Variants in MTREX observed in about 807,000 individuals in gnomAD.
MTREX encodes the protein Mtr4 exosome RNA helicase, also known as exosome RNA helicase MTR4.
MTREX carries 76 observed loss-of-function variants against 135.4 expected under a neutral mutation model. The observed-to-expected ratio is 0.56, with a 90% CI of 0.47 to 0.68. The LOEUF is 0.68. Among genes scored for constraint, MTREX ranks in the 30% least tolerant of loss-of-function variants. MTREX has a pLI of 0.00. For synonymous variants in MTREX, 404 were observed against 401.6 expected, an observed-to-expected ratio of 1.01 and a Z score of -0.07; for missense variants, 920 against 1,262.1, an observed-to-expected ratio of 0.73 and a Z score of 4.11.
chr5:55,379,605 C>T (rs371344470), intron 18 of MTREX, among the ~76,000 whole-genome samples: 1 of 147,340 alleles, frequency 6.8e-6, no homozygotes, highest in South Asian at 2.1e-4. Context: ...CACACACACA[C>T]ACACACTCAG....
intron 1 of MTREX, among the ~76,000 whole-genome samples, chr5:55,316,736 C>A (rs535748583): frequency 6.6e-5 from 10 of 152,130 alleles, no homozygotes; most frequent in African/African-American, 2.4e-4. Flanking sequence ...GGCAAGGCTG[C>A]CCTCTCTCAC....
At chr5:55,421,784 C>T (rs1751059597) in intron 25 of MTREX, among the ~76,000 whole-genome samples, 1 of 152,136 alleles carries the variant, frequency 6.6e-6, no homozygotes, top group Non-Finnish European at 1.5e-5. Context: ...AGAATCTGGT[C>T]TCAGGTAAAA....
intron 18 of MTREX, among the ~76,000 whole-genome samples, chr5:55,380,075 G>C (rs761859279): frequency 2.6e-5 from 4 of 151,884 alleles, no homozygotes; most frequent in African/African-American, 9.7e-5. Flanking sequence ...AGCTGGGACT[G>C]TAGGTGCCTG....
intron 16 of MTREX, among the ~76,000 whole-genome samples, chr5:55,371,742 A>G (rs1196813991): frequency 6.6e-6 from 1 of 152,168 alleles, no homozygotes; most frequent in East Asian, 1.9e-4. Flanking sequence ...TGAAAGACAT[A>G]AAACCAGTTT....
chr5:55,346,407 CAG>C (rs1188704473), intron 10 of MTREX, among the ~76,000 whole-genome samples: 1 of 152,104 alleles, frequency 6.6e-6, no homozygotes, highest in Non-Finnish European at 1.5e-5. Context: ...GTAAATGAAA[CAG>C]ATTATGTATT....
chr5:55,371,469 G>C (rs1009878371), intron 16 of MTREX, among the ~76,000 whole-genome samples: 1 of 152,118 alleles, frequency 6.6e-6, no homozygotes, highest in African/African-American at 2.4e-5. Context: ...GTTGCAAGCT[G>C]TCTTAAGAGT....
intron 1 of MTREX, among the ~76,000 whole-genome samples, chr5:55,320,730 T>A (rs1254323359): frequency 6.6e-6 from 1 of 152,252 alleles, no homozygotes; most frequent in Non-Finnish European, 1.5e-5. Flanking sequence ...ATACAAAATA[T>A]ATTTTTATGT....
In MTREX at chr5:55,425,094, G is replaced by C; in HGVS notation, c.*322G>C. ...TGTGCATCCAAGAGGCATAGCAGCAGCAGAAGTCTTTAAAGGCTTGTACAC... is the reference window on the plus strand; with the variant it reads ...TGTGCATCCAAGAGGCATAGCAGCACCAGAAGTCTTTAAAGGCTTGTACAC... On this transcript the variant is annotated 3_prime_UTR_variant, in exon 27 of 27. Transcript: ENST00000230640. 7 of 1,361,596 alleles carry C rather than the reference G, an allele frequency of 5.1e-6. No individual in the cohort carries two copies. The highest frequency in any genetic ancestry group is 2.0e-4 in the Middle Eastern group (1 of 5,020). 84.3% of individuals were successfully genotyped at this position (1,361,596 alleles called of 1,614,324 possible). A position where few individuals can be genotyped will look rare whatever the true frequency, so the allele number is the denominator to read the frequency against.
chr5:55,319,404 G>C (rs1191961970), intron 1 of MTREX, among the ~76,000 whole-genome samples: 1 of 152,134 alleles, frequency 6.6e-6, no homozygotes, highest in Non-Finnish European at 1.5e-5. Flanking sequence ...TGTGTTGCTA[G>C]GTGTTGCCAA....
intron 23 of MTREX, among the ~76,000 whole-genome samples, chr5:55,413,694 T>C (rs1750921534): frequency 1.3e-5 from 2 of 152,222 alleles, no homozygotes; most frequent in South Asian, 2.1e-4. Flanking sequence ...TCTTATACTT[T>C]GTTAGAACAT....
chr5:55,367,452 C>T (rs1014515242), intron 16 of MTREX, among the ~76,000 whole-genome samples: 3 of 150,242 alleles, frequency 2.0e-5, no homozygotes, highest in Non-Finnish European at 3.0e-5. Flanking sequence ...CACCACTGCA[C>T]TCCAGCGTGG....
intron 20 of MTREX, among the ~76,000 whole-genome samples, chr5:55,399,337 C>G (rs1413810305): frequency 6.6e-6 from 1 of 152,098 alleles, no homozygotes; most frequent in East Asian, 1.9e-4. Context: ...CAAATCCTAC[C>G]TTATCTTTAA....
At chr5:55,342,621 T>C (rs1277550219) in intron 7 of MTREX, among the ~76,000 whole-genome samples, 1 of 152,224 alleles carries the variant, frequency 6.6e-6, no homozygotes, top group African/African-American at 2.4e-5. Flanking sequence ...AAAAGTTAAA[T>C]GTTTAATATG....
chr5:55,371,091 T>G (rs6889307), intron 16 of MTREX, among the ~76,000 whole-genome samples: 21,335 of 152,184 alleles, frequency 0.14, 1,885 homozygotes, highest in East Asian at 0.26. Flanking sequence ...TTATTTAGTT[T>G]CATTAATAAT....
At chr5:55,338,030 T>C (rs1749582273) in intron 5 of MTREX, among the ~76,000 whole-genome samples, 2 of 152,124 alleles carry the variant, frequency 1.3e-5, no homozygotes, top group Admixed American at 1.3e-4. Context: ...TGTCATATAT[T>C]TCAACTACAT....
chr5:55,381,930 GTTAAAATGTAT>G (rs768579555), intron 18 of MTREX, among the ~76,000 whole-genome samples: 3 of 152,000 alleles, frequency 2.0e-5, no homozygotes, highest in Non-Finnish European at 1.5e-5. Context: ...TTCAAGCTCT[GTTAAAATGTAT>G]TTTGTTTTGT....
intron 6 of MTREX, 24 bp downstream of exon 6, chr5:55,340,208 G>A (rs1478237991): frequency 3.8e-5 from 56 of 1,477,250 alleles, no homozygotes; most frequent in Non-Finnish European, 4.6e-5. Context: ...TGCCTCATCT[G>A]ACTTTTCGTT....
intron 16 of MTREX, among the ~76,000 whole-genome samples, chr5:55,373,120 C>A (rs999211639): frequency 2.2e-4 from 30 of 134,514 alleles, no homozygotes; most frequent in Non-Finnish European, 4.2e-4. Context: ...ATTTTTATTT[C>A]TTTTTTTTTT....
At chr5:55,370,642 A>G (rs534000891) in intron 16 of MTREX, among the ~76,000 whole-genome samples, 1 of 152,332 alleles carries the variant, frequency 6.6e-6, no homozygotes, top group African/African-American at 2.4e-5. Flanking sequence ...TGGAAGAGGT[A>G]GGAATTTGAG....
Sources: allele counts gnomAD v4.1 joint callset (sites outside exome capture counted in the v4.1 genomes callset), GRCh38; gene constraint gnomAD v4.1.1; transcripts MANE v1.5; gene names NCBI Gene and HGNC (gene_info 2026-07-23, HGNC 2026-07-21).